Variants in PCDHGB1 observed in about 807,000 individuals in gnomAD.
The protein encoded by PCDHGB1 is protocadherin gamma subfamily B, 1, also known as protocadherin gamma-B1.
In PCDHGB1, 34 loss-of-function variants were observed where a neutral mutation model predicts 56.6. The ratio of observed to expected loss-of-function variants is 0.60; its 90% CI spans 0.46 to 0.80. The LOEUF is 0.80. Among genes scored for constraint, PCDHGB1 ranks in the 30% least tolerant of loss-of-function variants. The pLI is 0.00. For missense variants in PCDHGB1, 1,278 were observed against 1,204.6 expected (o/e 1.06, Z -0.90); for synonymous variants, 561 against 505.9 (o/e 1.11, Z -1.46).
chr5:141,350,210 T>C lies in PCDHGB1; in HGVS notation c.-51T>C. On this transcript the variant is annotated 5_prime_UTR_variant, in exon 1 of 4. Transcript: ENST00000523390. The stretch of plus-strand genomic sequence containing the variant: ...CACAGAAGTCCAGGGTGCTGCCATT[T>C]CTTTTTGAAAAACATCCCAGAGGAA... 6.8e-7 allele frequency: 1 copy of C among 1,481,274 alleles called. No homozygotes were observed. The highest frequency in any genetic ancestry group is 9.0e-7 in the Non-Finnish European group (1 of 1,115,028). 91.8% of individuals were successfully genotyped at this position (1,481,274 alleles called of 1,614,324 possible). A position where few individuals can be genotyped will look rare whatever the true frequency, so the allele number is the denominator to read the frequency against.
intron 1 of PCDHGB1, chr5:141,364,994 C>T: frequency 1.2e-6 from 2 of 1,613,924 alleles, no homozygotes; most frequent in Non-Finnish European, 1.7e-6. Flanking sequence ...AGACCCGGTA[C>T]TCTCCGGCAC....
At chr5:141,371,425 C>A in intron 1 of PCDHGB1, 1 of 1,613,882 alleles carries the variant, frequency 6.2e-7, no homozygotes, top group Non-Finnish European at 8.5e-7. Flanking sequence ...AATGACAATG[C>A]CCCGGAGATA....
chr5:141,377,940 A>G (rs112263014), intron 1 of PCDHGB1: 1 of 152,188 alleles, frequency 6.6e-6, no homozygotes, highest in Non-Finnish European at 1.5e-5. Context: ...TGCTGCTTAT[A>G]GAGTGTGTAT....
intron 1 of PCDHGB1, chr5:141,403,259 C>T: frequency 6.2e-7 from 1 of 1,613,866 alleles, no homozygotes; most frequent in Admixed American, 1.7e-5. Context: ...CCCGCGGTGT[C>T]TGGTGAACTT....
At chr5:141,399,834 G>A (rs375768001) in intron 1 of PCDHGB1, 3 of 1,613,004 alleles carry the variant, frequency 1.9e-6, no homozygotes, top group African/African-American at 2.7e-5. Flanking sequence ...ACGGCTCTGC[G>A]CTCTTCGATA....
intron 1 of PCDHGB1, chr5:141,364,397 C>T (rs1412341598): frequency 1.2e-6 from 2 of 1,605,004 alleles, no homozygotes; most frequent in Admixed American, 3.4e-5. Flanking sequence ...CCTGGGGACG[C>T]TGTGCGAGCC....
At chr5:141,452,380 G>A (rs1003689226) in intron 1 of PCDHGB1, among the ~76,000 whole-genome samples, 2 of 152,192 alleles carry the variant, frequency 1.3e-5, no homozygotes, top group Admixed American at 1.3e-4. Context: ...GTAGGGAATA[G>A]TATTTAGAAA....
chr5:141,404,984 C>A (rs779919758), intron 1 of PCDHGB1: 1 of 1,614,034 alleles, frequency 6.2e-7, no homozygotes, highest in Middle Eastern at 1.6e-4. Flanking sequence ...CCTGGGCAGT[C>A]TTCAGATCCC....
chr5:141,458,506 A>G (rs1443711702), intron 1 of PCDHGB1, among the ~76,000 whole-genome samples: 1 of 150,282 alleles, frequency 6.7e-6, no homozygotes, highest in Non-Finnish European at 1.5e-5. Flanking sequence ...ATACTGTTTG[A>G]CACTTTGTTT....
intron 1 of PCDHGB1, chr5:141,383,792 CA>C: frequency 6.2e-7 from 1 of 1,613,914 alleles, no homozygotes; most frequent in Non-Finnish European, 8.5e-7. Context: ...AACTCGCTTA[CA>C]GGAGAAATAT....
rs757663132 is a variant in PCDHGB1 at position 141,510,991 on chromosome 5, A to G, written c.2602A>G (p.Met868Val). ...CACCCTGGGAGGGGGTGCCGGCACC[A>G]TGGGATTGAGCGCCCGCTACGGACC... is the stretch of plus-strand genomic sequence containing the variant. ...SSTLGGGAGT[M>V]GLSARYGPQF... is the part of the protein sequence containing the mutation. Residue 868 changes from methionine (M) to valine (V), a missense_variant, in exon 4 of 4, where the codon ATG becomes GTG. Coordinates refer to ENST00000523390, the MANE Select transcript of PCDHGB1 (RefSeq NM_018922.3). 1.2e-6 allele frequency: 2 copies of G among 1,614,136 alleles called. No individual in the cohort carries two copies. Among genetic ancestry groups the G allele is most frequent in the Admixed American group, 3.3e-5 (2 of 60,022 alleles).
At chr5:141,405,217 G>A in intron 1 of PCDHGB1, 9 of 1,614,024 alleles carry the variant, frequency 5.6e-6, no homozygotes, top group Non-Finnish European at 7.6e-6. Context: ...CCTATTCTCA[G>A]GAGTTCTCCC....
At chr5:141,440,838 C>A (rs2098204954) in intron 1 of PCDHGB1, 1 of 152,102 alleles carries the variant, frequency 6.6e-6, no homozygotes, top group African/African-American at 2.4e-5. Context: ...TTGGTTGAAG[C>A]CAATGACAAC....
rs1407774111 is a variant in PCDHGB1 at position 141,431,569 on chromosome 5, C to G, written c.2410-63238C>G. On this transcript the variant is annotated intron_variant, in intron 1 of 3. Transcript: ENST00000523390. The surrounding 1 kb of genome is among the most constrained non-coding windows in gnomAD (Gnocchi z 4.8). Reference sequence around the variant, plus strand: ...TTGTAGTCAACGCTACCGACCCTGACGAAGGAGTCAATGCGGAAGTGAGGT... The same window carrying G: ...TTGTAGTCAACGCTACCGACCCTGAGGAAGGAGTCAATGCGGAAGTGAGGT... 5.6e-6 allele frequency: 9 copies of G among 1,614,000 alleles called. No homozygotes were observed. Among genetic ancestry groups the G allele is most frequent in the African/African-American group, 2.7e-5 (2 of 74,932 alleles).
chr5:141,432,859 C>A lies in PCDHGB1; in HGVS notation c.2410-61948C>A. The A allele has an allele frequency of 1.2e-6, 2 of 1,614,190 alleles. No homozygotes were observed. Among genetic ancestry groups the A allele is most frequent in the Non-Finnish European group, 1.7e-6 (2 of 1,180,020 alleles). The stretch of plus-strand genomic sequence containing the variant: ...ACCTGGTGGTAGCGGTGGCCGCGGT[C>A]TCCTGCGTCTTCCTGGCCTTCGTCA... On this transcript the variant is annotated intron_variant, in intron 1 of 3. Transcript: ENST00000523390. This position sits in a 1 kb window ranked among gnomAD's most constrained non-coding sequence, Gnocchi z 6.0.
In PCDHGB1 at chr5:141,477,029, A is replaced by C; in HGVS notation, c.2410-17778A>C. 6.2e-7 allele frequency: 1 copy of C among 1,614,238 alleles called. No homozygotes were observed. The highest frequency in any genetic ancestry group is 8.5e-7 in the Non-Finnish European group (1 of 1,180,040). Reference sequence around the variant, plus strand: ...CTTAGACCTTGTAACCGGGATGCTGACAATCAAGGGTCGGCTGGACTTCGA... The same window carrying C: ...CTTAGACCTTGTAACCGGGATGCTGCCAATCAAGGGTCGGCTGGACTTCGA... On this transcript the variant is annotated intron_variant, in intron 1 of 3. Transcript: ENST00000523390. This position sits in a 1 kb window ranked among gnomAD's most constrained non-coding sequence, Gnocchi z 4.9.
At position 141,487,344 on chromosome 5, in the gene PCDHGB1, C is replaced by T. The variant is rs1232854025; in HGVS notation, c.2410-7463C>T. On this transcript the variant is annotated intron_variant, in intron 1 of 3. Coordinates refer to ENST00000523390, the MANE Select transcript of PCDHGB1 (RefSeq NM_018922.3). This position sits in a 1 kb window ranked among gnomAD's most constrained non-coding sequence, Gnocchi z 5.0. ...CTTCGTGGGGCAGCCTGTGGAGTCA[C>T]ATGCTTTCCTGCTGGCACCTGTGCC... 3 of 1,614,208 alleles carry T rather than the reference C, an allele frequency of 1.9e-6. No individual in the cohort carries two copies. The highest frequency in any genetic ancestry group is 3.3e-5 in the Admixed American group (2 of 60,024).
intron 1 of PCDHGB1, chr5:141,410,799 C>T: frequency 2.9e-5 from 16 of 560,592 alleles, no homozygotes; most frequent in South Asian, 8.0e-5. Context: ...ATAAGTTGCT[C>T]TATCTTTTTG....
At chr5:141,366,405 A>G (rs774336426) in intron 1 of PCDHGB1, 3 of 1,614,106 alleles carry the variant, frequency 1.9e-6, no homozygotes, top group Non-Finnish European at 1.7e-6. Context: ...CTCACACTCT[A>G]TCTTGTGGTG....
Sources: allele counts gnomAD v4.1 joint callset (sites outside exome capture counted in the v4.1 genomes callset), GRCh38; gene constraint gnomAD v4.1.1; non-coding constraint Gnocchi (gnomAD v3.1); transcripts MANE v1.5; gene names NCBI Gene and HGNC (gene_info 2026-07-23, HGNC 2026-07-21).